Variants in KREMEN2 observed in about 807,000 individuals in gnomAD.
KREMEN2 encodes kringle containing transmembrane protein 2, also known as kremen protein 2.
KREMEN2 carries 43 observed loss-of-function variants against 49.8 expected under a neutral mutation model. That is an observed-to-expected ratio of 0.86 (90% CI 0.68 to 1.11). The LOEUF (loss-of-function observed/expected upper bound fraction) is 1.11, where lower values mean the gene tolerates loss of function less well. Ranked by LOEUF, KREMEN2 falls within the 50% of genes most tolerant of loss-of-function variation. The probability of loss-of-function intolerance (pLI) is 0.00; values close to 1 mark genes in which losing one functional copy is unlikely to be tolerated. For missense variants in KREMEN2, 686 were observed against 665.7 expected, an observed-to-expected ratio of 1.03 and a Z score of -0.34; for synonymous variants, 355 against 304.9, an observed-to-expected ratio of 1.16 and a Z score of -1.71.
Position 2,967,521 on chromosome 16 carries a change from C to T in KREMEN2, c.1100-5C>T, listed in dbSNP as rs774286971. On this transcript the variant is annotated splice_region_variant and splice_polypyrimidine_tract_variant and intron_variant, in intron 7 of 8. Transcript: ENST00000303746. Reference sequence around the variant, plus strand: ...CCCATCCTCACCGCAGCCGTGTGCCCGCAGCCCGGGTCTTCTCGACGGTGA... The same window carrying T: ...CCCATCCTCACCGCAGCCGTGTGCCTGCAGCCCGGGTCTTCTCGACGGTGA... 14 of 1,530,358 alleles carry T rather than the reference C, an allele frequency of 9.1e-6. No homozygotes were observed. Among genetic ancestry groups the T allele is most frequent in the South Asian group, 6.0e-5 (5 of 83,608 alleles). The allele number at this position is 1,530,358 out of a possible 1,614,324, so 94.8% of individuals were successfully genotyped here. A position where few individuals can be genotyped will look rare whatever the true frequency, so the allele number is the denominator to read the frequency against.
Position 2,967,539 on chromosome 16 carries a change from G to C in KREMEN2, c.1113G>C (p.Ser371=), listed in dbSNP as rs1333706278. Residue 371 remains serine (S), a synonymous_variant, in exon 8 of 9, where the codon TCG becomes TCC. Transcript: ENST00000303746. The part of the protein sequence containing the change: ...PPAAIGARVF[S]TVTAVSVLLL... ...GTGTGCCCGCAGCCCGGGTCTTCTC[G>C]ACGGTGACGGCTGTCTCGGTGCTGC... 3.9e-6 allele frequency: 6 copies of C among 1,532,036 alleles called. No individual in the cohort carries two copies. In the Admixed American group the frequency reaches 7.9e-5, roughly 20 times the overall value. The allele number at this position is 1,532,036 out of a possible 1,614,324, so 94.9% of individuals were successfully genotyped here. A position where few individuals can be genotyped will look rare whatever the true frequency, so the allele number is the denominator to read the frequency against.
At chr16:2,965,695 CG>C (rs2071803615) in intron 2 of KREMEN2, among the ~76,000 whole-genome samples, 1 of 150,382 alleles carries the variant, frequency 6.6e-6, no homozygotes, top group Non-Finnish European at 1.5e-5. Flanking sequence ...CGCTTGAACC[CG>C]GGAGGCGGAG....
Position 2,966,519 on chromosome 16 carries a change from C to G in KREMEN2, c.486+70C>G. On this transcript the variant is annotated intron_variant, in intron 4 of 8. Coordinates refer to ENST00000303746, the MANE Select transcript of KREMEN2 (RefSeq NM_172229.3). This position sits in a 1 kb window ranked among gnomAD's most constrained non-coding sequence, Gnocchi z 8.4. ...AAGACCACACTCAACTCCCAACACTCGGTTGCCAAACCCAGACACCGGTTT... is the reference window on the plus strand; with the variant it reads ...AAGACCACACTCAACTCCCAACACTGGGTTGCCAAACCCAGACACCGGTTT... 6.3e-7 allele frequency: 1 copy of G among 1,595,700 alleles called. No individual in the cohort carries two copies. The highest frequency in any genetic ancestry group is 8.5e-7 in the Non-Finnish European group (1 of 1,174,404).
Position 2,967,179 on chromosome 16 carries a change from C to A in KREMEN2, c.910C>A (p.Leu304Met), listed in dbSNP as rs1265168003. The A allele has an allele frequency of 2.9e-6, 4 of 1,371,456 alleles. No homozygotes were observed. Among genetic ancestry groups the A allele is most frequent in the Non-Finnish European group, 2.8e-6 (3 of 1,072,012 alleles). 85.0% of individuals were successfully genotyped at this position (1,371,456 alleles called of 1,614,324 possible). A position where few individuals can be genotyped will look rare whatever the true frequency, so the allele number is the denominator to read the frequency against. ...SGPLRLGTAA[L>M]LLTFRSDARG... ...GCCGCTGCGCCTGGGCACTGCCGCG[C>A]TGCTGCTCACCTTCCGAAGCGACGC... The change falls in exon 6 of 9, where the codon CTG (leucine) becomes ATG (methionine). Residue 304 changes from leucine (L) to methionine (M), a missense_variant. Coordinates refer to ENST00000303746, the MANE Select transcript of KREMEN2 (RefSeq NM_172229.3).
rs760507895 is a variant in KREMEN2 at position 2,967,849 on chromosome 16, G to A, written c.1218G>A (p.Leu406=). 1.2e-5 allele frequency: 19 copies of A among 1,552,578 alleles called. No individual in the cohort carries two copies. The South Asian group carries it at 2.1e-4, about 17-fold the overall frequency. ...CTCCGGGAAAAGGGCCCCCGGCGCT[G>A]GGGGCTTCCAGGGGCCCCAGGAGAA... ...LLAPGKGPPA[L]GASRGPRRSW... The change falls in exon 9 of 9, where the codon CTG becomes CTA. Residue 406 remains leucine, a synonymous_variant. Transcript: ENST00000303746.
In KREMEN2 at chr16:2,967,537, T is replaced by C. The variant is rs1421711635; in HGVS notation, c.1111T>C (p.Ser371Pro). The C allele has an allele frequency of 6.5e-7, 1 of 1,531,988 alleles. No homozygotes were observed. Among genetic ancestry groups the C allele is most frequent in the Non-Finnish European group, 8.7e-7 (1 of 1,145,400 alleles). 94.9% of individuals were successfully genotyped at this position (1,531,988 alleles called of 1,614,324 possible). A position where few individuals can be genotyped will look rare whatever the true frequency, so the allele number is the denominator to read the frequency against. Residue 371 changes from serine (S) to proline (P), a missense_variant, in exon 8 of 9, where the codon TCG (serine) becomes CCG (proline). Physicochemically the swap from Ser to Pro is moderately conservative, Grantham distance 74. Coordinates refer to ENST00000303746, the MANE Select transcript of KREMEN2 (RefSeq NM_172229.3). ...CCGTGTGCCCGCAGCCCGGGTCTTC[T>C]CGACGGTGACGGCTGTCTCGGTGCT... Reference protein sequence around the residue: ...PPAAIGARVFSTVTAVSVLLL... With the variant: ...PPAAIGARVFPTVTAVSVLLL...
Position 2,968,005 on chromosome 16 carries a change from C to A in KREMEN2, c.1374C>A (p.Leu458=). The A allele has an allele frequency of 6.4e-7, 1 of 1,562,986 alleles. No homozygotes were observed. ...CCAGCCAGAGCTCCCTGCGCTCGCT[C>A]ATCTCCGCTCTCTGACTCTGGGCCC... The part of the protein sequence containing the change: ...SASSQSSLRS[L]ISAL Residue 458 remains leucine (L), a synonymous_variant, in exon 9 of 9, where the codon CTC becomes CTA. Coordinates refer to ENST00000303746, the MANE Select transcript of KREMEN2 (RefSeq NM_172229.3).
Position 2,966,088 on chromosome 16 carries a change from G to C in KREMEN2, c.270-52G>C. ...GCATAGGCTGCGGGGCCGGGCCTGG[G>C]TTTGCTATTCTTGGGGTGGTGGGAG... On this transcript the variant is annotated intron_variant, in intron 2 of 8. Transcript: ENST00000303746. The surrounding 1 kb of genome is among the most constrained non-coding windows in gnomAD (Gnocchi z 8.4). 1.3e-6 allele frequency: 2 copies of C among 1,538,348 alleles called. No individual in the cohort carries two copies. The highest frequency in any genetic ancestry group is 4.5e-5 in the East Asian group (2 of 44,490).
chr16:2,967,105 C>T lies in KREMEN2; in HGVS notation c.836C>T (p.Ser279Leu). 2.7e-6 allele frequency: 4 copies of T among 1,470,026 alleles called. No individual in the cohort carries two copies. Among genetic ancestry groups the T allele is most frequent in the Non-Finnish European group, 2.7e-6 (3 of 1,118,564 alleles). 91.1% of individuals were successfully genotyped at this position (1,470,026 alleles called of 1,614,324 possible). A position where few individuals can be genotyped will look rare whatever the true frequency, so the allele number is the denominator to read the frequency against. Residue 279 changes from serine to leucine, a missense_variant, in exon 6 of 9, where the codon TCG (serine) becomes TTG (leucine). Coordinates refer to ENST00000303746, the MANE Select transcript of KREMEN2 (RefSeq NM_172229.3). ...CGGCTGGAGCTGCGCGACGCGGCTT[C>T]GGGCAGCCTGCTCCGCGCCTTCGAT... Reference protein sequence around the residue: ...RDRLELRDAASGSLLRAFDGA... With the variant: ...RDRLELRDAALGSLLRAFDGA...
intron 8 of KREMEN2, 77 bp from the exon 9 acceptor site, chr16:2,967,733 C>T: frequency 6.5e-7 from 1 of 1,543,518 alleles, no homozygotes; most frequent in Admixed American, 2.0e-5. Context: ...CGCACAGGAT[C>T]GCGCGCGGGA....
chr16:2,965,972 G>A (rs1473676260), intron 2 of KREMEN2, among the ~76,000 whole-genome samples, 168 bp from the exon 3 acceptor site: 2 of 152,220 alleles, frequency 1.3e-5, no homozygotes, highest in African/African-American at 2.4e-5. Flanking sequence ...CCTTCATCAG[G>A]CAGAGTTCTG....
Position 2,964,854 on chromosome 16 carries a change from T to A in KREMEN2, c.95-5T>A. ...ACCTCCCCAGGCCCTGCCTTTGCCG[T>A]GCAGGCCTGTCCGAATGCTTCCAGG... On this transcript the variant is annotated splice_polypyrimidine_tract_variant and splice_region_variant and intron_variant, in intron 1 of 8. Coordinates refer to ENST00000303746, the MANE Select transcript of KREMEN2 (RefSeq NM_172229.3). The A allele has an allele frequency of 6.2e-7, 1 of 1,610,520 alleles. No individual in the cohort carries two copies. Among genetic ancestry groups the A allele is most frequent in the Non-Finnish European group, 8.5e-7 (1 of 1,179,008 alleles).
intron 2 of KREMEN2, 56 bp downstream of exon 2, chr16:2,965,089 CCCGAAGCG>C: frequency 7.3e-7 from 1 of 1,378,608 alleles, no homozygotes; most frequent in South Asian, 1.5e-5. Context: ...GCAGGGATGG[CCCGAAGCG>C]GGGCCTCCGT....
intron 2 of KREMEN2, 78 bp downstream of exon 2, chr16:2,965,111 G>A (rs926012018): frequency 7.0e-6 from 9 of 1,288,784 alleles, no homozygotes; most frequent in African/African-American, 1.6e-5. Flanking sequence ...CCTCCGTGCG[G>A]GCGGGGTGGA....
rs1243716970 is a variant in KREMEN2 at position 2,967,029 on chromosome 16, G to T, written c.760G>T (p.Ala254Ser). Residue 254 changes from alanine to serine, a missense_variant, in exon 6 of 9, where the codon GCC becomes TCC. Coordinates refer to ENST00000303746, the MANE Select transcript of KREMEN2 (RefSeq NM_172229.3). ...NCSWALGPPG[A>S]ALELTFRLFE... ...CAGCTGGGCCCTGGGCCCGCCAGGC[G>T]CCGCGCTGGAGCTCACCTTCCGCCT... is the stretch of plus-strand genomic sequence containing the variant. The T allele has an allele frequency of 6.5e-7, 1 of 1,544,414 alleles. No homozygotes were observed. The highest frequency in any genetic ancestry group is 2.0e-5 in the Admixed American group (1 of 50,864).
intron 2 of KREMEN2, among the ~76,000 whole-genome samples, chr16:2,965,625 G>T (rs776335399): frequency 2.8e-4 from 43 of 152,166 alleles, no homozygotes; most frequent in Non-Finnish European, 4.0e-4. Context: ...CAAAAAATTA[G>T]CGGGGCATGG....
rs749996727 is a variant in KREMEN2, at chr16:2,967,558, G to GTGCTGC, written c.1143_1148dup (p.Leu383_Leu384dup). On this transcript the variant is annotated inframe_insertion, in exon 8 of 9. Transcript: ENST00000303746. Reference sequence around the variant, plus strand: ...CTTCTCGACGGTGACGGCTGTCTCGGTGCTGCTGCTGCTGCTCCTGGGGCT... The same window carrying GTGCTGC: ...CTTCTCGACGGTGACGGCTGTCTCGGTGCTGCTGCTGCTGCTGCTGCTCCTGGGGCT... 1 of 1,531,984 alleles carries GTGCTGC rather than the reference G, an allele frequency of 6.5e-7. No individual in the cohort carries two copies. The highest frequency in any genetic ancestry group is 8.7e-7 in the Non-Finnish European group (1 of 1,145,176). 94.9% of individuals were successfully genotyped at this position (1,531,984 alleles called of 1,614,324 possible). A position where few individuals can be genotyped will look rare whatever the true frequency, so the allele number is the denominator to read the frequency against.
chr16:2,966,988 G>A lies in KREMEN2; in HGVS notation c.719G>A (p.Gly240Glu). 6.4e-7 allele frequency: 1 copy of A among 1,554,466 alleles called. No homozygotes were observed. The highest frequency in any genetic ancestry group is 8.7e-7 in the Non-Finnish European group (1 of 1,149,038). Residue 240 changes from glycine (G) to glutamate (E), a missense_variant, in exon 6 of 9, where the codon GGG (glycine) becomes GAG (glutamate). By Grantham distance (98) the Gly-to-Glu change is moderately conservative. Transcript: ENST00000303746. This position sits in a 1 kb window ranked among gnomAD's most constrained non-coding sequence, Gnocchi z 8.4. The part of the protein sequence containing the change: ...IYSPDFPDEY[G>E]PDRNCSWALG... Reference sequence around the variant, plus strand: ...TCCCCGGACTTCCCGGACGAGTACGGGCCGGACCGGAACTGCAGCTGGGCC... The same window carrying A: ...TCCCCGGACTTCCCGGACGAGTACGAGCCGGACCGGAACTGCAGCTGGGCC...
intron 2 of KREMEN2, among the ~76,000 whole-genome samples, chr16:2,965,754 G>A (rs1210996901): frequency 6.9e-6 from 1 of 145,246 alleles, no homozygotes; most frequent in Non-Finnish European, 1.5e-5. Flanking sequence ...CTGGGTGACA[G>A]AGCGAGACTC....
Sources: gnomAD v4.1 joint callset for allele counts (sites outside exome capture counted in the v4.1 genomes callset) on GRCh38, gnomAD v4.1.1 for gene constraint, Gnocchi (gnomAD v3.1) non-coding constraint, MANE v1.5 for transcripts, NCBI Gene and HGNC (gene_info 2026-07-23, HGNC 2026-07-21) for gene names.